The following GSTCD variants were observed in gnomAD, a reference collection of about 807,000 sequenced individuals.
GSTCD encodes the protein glutathione S-transferase C-terminal domain-containing protein.
A neutral mutation model predicts 68.3 loss-of-function variants in GSTCD; 44 were observed. The observed-to-expected ratio is 0.64, with a 90% confidence interval of 0.51 to 0.83. The LOEUF is 0.83. Among genes scored for constraint, GSTCD ranks in the 40% least tolerant of loss-of-function variants. GSTCD has a pLI of 0.00. For synonymous variants in GSTCD, 273 were observed against 255.2 expected (o/e 1.07, Z -0.67); for missense variants, 739 against 735.9 (o/e 1.00, Z -0.05).
At chr4:105,823,297 A>G in intron 7 of GSTCD, 22 bp downstream of exon 7, 1 of 1,611,922 alleles carries the variant, frequency 6.2e-7, no homozygotes, top group Non-Finnish European at 8.5e-7. Flanking sequence ...ATAAGAGATA[A>G]AAGGAAATAT....
At chr4:105,730,096 T>C (rs1046478964) in intron 5 of GSTCD, among the ~76,000 whole-genome samples, 1 of 152,238 alleles carries the variant, frequency 6.6e-6, no homozygotes, top group African/African-American at 2.4e-5. Flanking sequence ...GGCTGCATAG[T>C]ATTCCATGGT....
chr4:105,770,822 G>A (rs1734815919), intron 5 of GSTCD, among the ~76,000 whole-genome samples: 1 of 152,104 alleles, frequency 6.6e-6, no homozygotes, highest in Non-Finnish European at 1.5e-5. Context: ...GAACAGTGCT[G>A]CAATAAACTA....
intron 9 of GSTCD, among the ~76,000 whole-genome samples, chr4:105,835,337 C>T (rs999672479): frequency 3.3e-5 from 5 of 152,112 alleles, no homozygotes; most frequent in African/African-American, 1.2e-4. Flanking sequence ...GAGCCAGGTA[C>T]AGAGTGGTGA....
intron 5 of GSTCD, among the ~76,000 whole-genome samples, chr4:105,751,367 T>C (rs1734004390): frequency 6.6e-6 from 1 of 152,150 alleles, no homozygotes; most frequent in South Asian, 2.1e-4. Context: ...AACAGAAGAA[T>C]TGGGGAGATG....
rs781633135 is a variant in GSTCD, at chr4:105,845,972, A to G, written c.*395A>G. 1 of 162,910 alleles carries G rather than the reference A, an allele frequency of 6.1e-6. No homozygotes were observed. Among genetic ancestry groups the G allele is most frequent in the Admixed American group, 5.9e-5 (1 of 17,076 alleles). The allele number at this position is 162,910 out of a possible 1,614,324, so 10.1% of individuals were successfully genotyped here. On this transcript the variant is annotated 3_prime_UTR_variant, in exon 12 of 12. Coordinates refer to ENST00000515279, the MANE Select transcript of GSTCD (RefSeq NM_001370181.1). The stretch of plus-strand genomic sequence containing the variant: ...TACTTATTTAGATATTCACATGGGA[A>G]CTGAAAGTAGACTCAGTGGAGTTTT...
At chr4:105,777,238 G>T (rs1735106774) in intron 5 of GSTCD, among the ~76,000 whole-genome samples, 1 of 152,146 alleles carries the variant, frequency 6.6e-6, no homozygotes, top group Admixed American at 6.5e-5. Context: ...TATCACACTA[G>T]TAGGGAAATT....
chr4:105,776,070 C>A (rs905781975), intron 5 of GSTCD, among the ~76,000 whole-genome samples: 1 of 152,226 alleles, frequency 6.6e-6, no homozygotes, highest in African/African-American at 2.4e-5. Context: ...GAGAGACAGT[C>A]TGGCTACAGC....
intron 5 of GSTCD, among the ~76,000 whole-genome samples, chr4:105,784,141 A>G (rs749610044): frequency 3.3e-5 from 5 of 152,246 alleles, no homozygotes; most frequent in Non-Finnish European, 5.9e-5. Context: ...GAGACTATGT[A>G]CATATCTTAT....
rs542070358 is a variant in GSTCD at position 105,835,186 on chromosome 4, G to A, written c.1664+592G>A. Among the ~76,000 whole-genome samples the A allele has an allele frequency of 2.2e-4, 33 of 152,296 alleles. No individual in the cohort carries two copies. In the South Asian group the frequency reaches 5.2e-3, roughly 24 times the overall value. On this transcript the variant is annotated intron_variant, in intron 9 of 11. Transcript: ENST00000515279. ...AATGTCACAGGATCCTTGGGGCGTC[G>A]CTTTGCCAGCTGGATCCTCTGTGGT...
intron 5 of GSTCD, among the ~76,000 whole-genome samples, chr4:105,765,934 G>A (rs758939292): frequency 6.6e-6 from 1 of 152,178 alleles, no homozygotes; most frequent in Non-Finnish European, 1.5e-5. Context: ...GGAACTGTGA[G>A]TCAATTAAAC....
intron 5 of GSTCD, among the ~76,000 whole-genome samples, chr4:105,739,342 T>C (rs1294609847): frequency 1.3e-5 from 2 of 152,312 alleles, no homozygotes; most frequent in East Asian, 3.9e-4. Context: ...TATTCTTGTC[T>C]AGTTTTTGTA....
chr4:105,829,368 T>C (rs1421995501), intron 8 of GSTCD, among the ~76,000 whole-genome samples: 3 of 152,004 alleles, frequency 2.0e-5, no homozygotes, highest in African/African-American at 7.2e-5. Context: ...ACTTCCAAAA[T>C]GGAAGATAGA....
chr4:105,845,428 G>T lies in GSTCD; in HGVS notation c.1766-13G>T, dbSNP rs770560801. The T allele has an allele frequency of 2.5e-6, 4 of 1,613,912 alleles. No individual in the cohort carries two copies. Among genetic ancestry groups the T allele is most frequent in the Non-Finnish European group, 3.4e-6 (4 of 1,179,908 alleles). On this transcript the variant is annotated splice_polypyrimidine_tract_variant and intron_variant, in intron 11 of 11. Transcript: ENST00000515279. ...GAAAGGGTGTCTCATGATACCATTT[G>T]ACTGTGTTTCAGGAAAACAGTGCAT...
chr4:105,726,796 T>C lies in GSTCD; in HGVS notation c.1112T>C (p.Ile371Thr), dbSNP rs1227263386. ...GAAGAGCAAAGCGATCCTTTATTTA[T>C]AGGAGGACCAAGACCAACCATGGCC... ...GVEEQSDPLF[I>T]GGPRPTMAKL... The change falls in exon 4 of 12, where the codon ATA becomes ACA. Residue 371 changes from isoleucine (I) to threonine (T), a missense_variant. Transcript: ENST00000515279. The C allele has an allele frequency of 1.2e-6, 2 of 1,613,184 alleles. No individual in the cohort carries two copies. Among genetic ancestry groups the C allele is most frequent in the East Asian group, 2.2e-5 (1 of 44,834 alleles).
intron 5 of GSTCD, among the ~76,000 whole-genome samples, chr4:105,776,091 G>A (rs1053226170): frequency 1.3e-5 from 2 of 152,222 alleles, no homozygotes; most frequent in Non-Finnish European, 2.9e-5. Context: ...AGCTTTGCTG[G>A]ACTTCGGTGG....
At chr4:105,827,282 A>G (rs1409951002) in intron 8 of GSTCD, 1 of 152,150 alleles carries the variant, frequency 6.6e-6, no homozygotes, top group Non-Finnish European at 1.5e-5. Flanking sequence ...TTTCCAGCCT[A>G]TGTCTGTTCC....
At chr4:105,743,816 G>A (rs1355846191) in intron 5 of GSTCD, among the ~76,000 whole-genome samples, 1 of 151,582 alleles carries the variant, frequency 6.6e-6, no homozygotes, top group Admixed American at 6.6e-5. Flanking sequence ...CCGCCACCAC[G>A]CCCGGCTAAT....
chr4:105,835,293 C>T (rs899153975), intron 9 of GSTCD, among the ~76,000 whole-genome samples: 5 of 152,154 alleles, frequency 3.3e-5, no homozygotes, highest in Admixed American at 6.5e-5. Context: ...TTTTGGCTTG[C>T]ACTACCAGCA....
At chr4:105,769,466 T>A (rs1306459735) in intron 5 of GSTCD, among the ~76,000 whole-genome samples, 1 of 152,170 alleles carries the variant, frequency 6.6e-6, no homozygotes, top group Non-Finnish European at 1.5e-5. Context: ...CAACTGAAGC[T>A]TCATCTTTTA....
Sources: gnomAD v4.1 joint callset for allele counts (sites outside exome capture counted in the v4.1 genomes callset) on GRCh38, gnomAD v4.1.1 for gene constraint, MANE v1.5 for transcripts, NCBI Gene and HGNC (gene_info 2026-07-23, HGNC 2026-07-21) for gene names.